Variants in CARMIL1 observed in about 807,000 individuals in gnomAD.
CARMIL1 encodes the protein F-actin-uncapping protein LRRC16A.
CARMIL1 carries 90 observed loss-of-function variants against 177.1 expected under a neutral mutation model. The observed-to-expected ratio is 0.51, with a 90% confidence interval of 0.43 to 0.61. CARMIL1 has a LOEUF of 0.61. Ranked by LOEUF, CARMIL1 falls within the 20% of genes least tolerant of loss-of-function variation. The pLI is 0.00. For synonymous variants in CARMIL1, 577 were observed against 606.2 expected (o/e 0.95, Z 0.71); for missense variants, 1,380 against 1,667.0 (o/e 0.83, Z 3.00).
chr6:25,588,469 T>C (rs1269522168), intron 31 of CARMIL1, among the ~76,000 whole-genome samples: 1 of 152,132 alleles, frequency 6.6e-6, no homozygotes, highest in Non-Finnish European at 1.5e-5. Context: ...AGCATGAAGG[T>C]TCATACCTCT....
chr6:25,345,699 C>T (rs1024361829), intron 2 of CARMIL1, among the ~76,000 whole-genome samples: 2 of 152,208 alleles, frequency 1.3e-5, no homozygotes, highest in African/African-American at 4.8e-5. Flanking sequence ...TCACTGCAAC[C>T]TCCACCTCCC....
At chr6:25,281,289 C>G (rs1378446869) in intron 1 of CARMIL1, among the ~76,000 whole-genome samples, 2 of 151,952 alleles carry the variant, frequency 1.3e-5, no homozygotes, top group Non-Finnish European at 2.9e-5. Context: ...TTCCAACACC[C>G]CAAGCAAACG....
intron 36 of CARMIL1, among the ~76,000 whole-genome samples, chr6:25,613,881 G>A (rs555431516): frequency 6.6e-6 from 1 of 152,242 alleles, no homozygotes; most frequent in Admixed American, 6.5e-5. Context: ...CCAGCATTCA[G>A]GCTGTAACAC....
intron 23 of CARMIL1, among the ~76,000 whole-genome samples, chr6:25,523,448 G>A (rs761925164): frequency 1.7e-4 from 26 of 152,270 alleles, no homozygotes; most frequent in South Asian, 4.2e-4. Context: ...AAAACAAAGA[G>A]TAGGAAGATT....
intron 8 of CARMIL1, among the ~76,000 whole-genome samples, chr6:25,461,897 G>C (rs1043284951): frequency 6.6e-5 from 10 of 151,470 alleles, no homozygotes; most frequent in Non-Finnish European, 1.5e-4. Flanking sequence ...ATCTCTTTTT[G>C]GTTTTTCCCT....
Position 25,316,288 on chromosome 6 carries a change from G to A in CARMIL1, c.138+31379G>A, listed in dbSNP as rs892350987. 5.9e-5 allele frequency among the ~76,000 whole-genome samples: 9 copies of A among 152,256 alleles called. No individual in the cohort carries two copies. The South Asian group carries it at 8.3e-4, about 14-fold the overall frequency. ...GAGTGGGCACAGGCGCAGCACTCAG[G>A]TGTTTTGCGTTTGTCTAGAAACACT... On this transcript the variant is annotated intron_variant, in intron 2 of 36. Transcript: ENST00000329474.
rs539501626 is a variant in CARMIL1 at position 25,612,796 on chromosome 6, A to G, written c.3979+2615A>G. On this transcript the variant is annotated intron_variant, in intron 36 of 36. Coordinates refer to ENST00000329474, the MANE Select transcript of CARMIL1 (RefSeq NM_017640.6). The stretch of plus-strand genomic sequence containing the variant: ...AGATCATGACAGTGGCAAGCCTTCC[A>G]GTAGAGGGAAAAGATCTTCAAAACT... 110 of 985,396 alleles carry G rather than the reference A, an allele frequency of 1.1e-4. No homozygotes were observed. In the African/African-American group the frequency reaches 1.8e-3, roughly 16 times the overall value. The allele number at this position is 985,396 out of a possible 1,614,324, so 61.0% of individuals were successfully genotyped here.
intron 31 of CARMIL1, among the ~76,000 whole-genome samples, chr6:25,583,584 TG>T (rs1319831005): frequency 5.9e-5 from 9 of 152,098 alleles, no homozygotes; most frequent in African/African-American, 2.2e-4. Context: ...ATAACTTACC[TG>T]CCTGGTTGAT....
At chr6:25,605,333 C>T (rs1815848870) in intron 34 of CARMIL1, among the ~76,000 whole-genome samples, 1 of 151,920 alleles carries the variant, frequency 6.6e-6, no homozygotes, top group Non-Finnish European at 1.5e-5. Context: ...ATCCAATATC[C>T]CTTGTCCCTC....
At chr6:25,435,017 A>G (rs1289075068) in intron 4 of CARMIL1, among the ~76,000 whole-genome samples, 1 of 152,226 alleles carries the variant, frequency 6.6e-6, no homozygotes. Flanking sequence ...CCATACTTAC[A>G]CTACATAGCA....
chr6:25,384,368 G>A (rs894400290), intron 2 of CARMIL1, among the ~76,000 whole-genome samples: 8 of 152,186 alleles, frequency 5.3e-5, no homozygotes, highest in African/African-American at 1.9e-4. Flanking sequence ...CTGTGTCAAA[G>A]GTGGCTGCCT....
chr6:25,308,133 T>C (rs1783426008), intron 2 of CARMIL1, among the ~76,000 whole-genome samples: 1 of 152,246 alleles, frequency 6.6e-6, no homozygotes, highest in African/African-American at 2.4e-5. Context: ...GCATTGCTTT[T>C]GTGTTTTTAG....
chr6:25,450,661 C>A lies in CARMIL1; in HGVS notation c.564C>A (p.Thr188=). ...AGGATGTGGATACAATTTATCTTAC[C>A]CAAGACACCAGGGAATTGAATTTAC... ...VQWDVDTIYL[T]QDTRELNLQD... is the part of the protein sequence containing the mutation. The change falls in exon 8 of 37, where the codon ACC becomes ACA. Residue 188 remains threonine (T), a synonymous_variant. Transcript: ENST00000329474. The A allele has an allele frequency of 6.2e-7, 1 of 1,603,692 alleles. No individual in the cohort carries two copies. The highest frequency in any genetic ancestry group is 8.5e-7 in the Non-Finnish European group (1 of 1,173,042).
intron 9 of CARMIL1, among the ~76,000 whole-genome samples, chr6:25,466,566 ACT>A (rs1260523062): frequency 6.6e-6 from 1 of 151,982 alleles, no homozygotes; most frequent in Non-Finnish European, 1.5e-5. Context: ...ACATAAATTA[ACT>A]CTCTGGTGTT....
At chr6:25,347,825 T>C (rs1787684267) in intron 2 of CARMIL1, among the ~76,000 whole-genome samples, 1 of 152,224 alleles carries the variant, frequency 6.6e-6, no homozygotes, top group African/African-American at 2.4e-5. Flanking sequence ...TTTTTCCATT[T>C]CAGGTTCTCA....
At chr6:25,279,901 C>T in intron 1 of CARMIL1, 66 bp downstream of exon 1, 4 of 1,549,576 alleles carry the variant, frequency 2.6e-6, no homozygotes, top group Non-Finnish European at 3.6e-6. Context: ...CTCTCCCTTC[C>T]CACCTCTGCT....
intron 2 of CARMIL1, among the ~76,000 whole-genome samples, chr6:25,300,920 C>T (rs533064461): frequency 3.9e-5 from 6 of 152,178 alleles, no homozygotes; most frequent in Admixed American, 2.6e-4. Context: ...CTGCTATATA[C>T]AGAACTTTGA....
At chr6:25,341,420 T>C (rs1786923164) in intron 2 of CARMIL1, among the ~76,000 whole-genome samples, 1 of 152,214 alleles carries the variant, frequency 6.6e-6, no homozygotes, top group Non-Finnish European at 1.5e-5. Flanking sequence ...CTATCTTTTA[T>C]ATATAGAAAA....
At chr6:25,501,810 T>G (rs950317399) in intron 17 of CARMIL1, among the ~76,000 whole-genome samples, 1 of 152,120 alleles carries the variant, frequency 6.6e-6, no homozygotes, top group African/African-American at 2.4e-5. Context: ...AAATATTGAA[T>G]AAGATTAATG....
Sources: allele counts gnomAD v4.1 joint callset (sites outside exome capture counted in the v4.1 genomes callset), GRCh38; gene constraint gnomAD v4.1.1; transcripts MANE v1.5; gene names NCBI Gene and HGNC (gene_info 2026-07-23, HGNC 2026-07-21).